ZNF24: variants seen among roughly 807,000 people sequenced by gnomAD.
ZNF24 encodes zinc finger protein 24.
A neutral mutation model predicts 40.9 loss-of-function variants in ZNF24; 11 were observed. The observed-to-expected ratio is 0.27, with a 90% CI of 0.17 to 0.45. The LOEUF (loss-of-function observed/expected upper bound fraction) is 0.45, where lower values mean the gene tolerates loss of function less well. ZNF24 is among the 20% of genes least tolerant of loss of function. The pLI, the probability that ZNF24 is intolerant of heterozygous loss-of-function variation, is 1.00. For missense variants in ZNF24, 293 were observed against 437.7 expected, an observed-to-expected ratio of 0.67 and a Z score of 2.95; for synonymous variants, 139 against 154.7, an observed-to-expected ratio of 0.90 and a Z score of 0.75.
At chr18:35,339,802 T>C in intron 3 of ZNF24, 27 bp downstream of exon 3, 1 of 1,573,384 alleles carries the variant, frequency 6.4e-7, no homozygotes, top group East Asian at 2.3e-5. Flanking sequence ...TTTCACCCTC[T>C]AGCCCACACA....
rs2044960458 is a variant in ZNF24 at position 35,340,659 on chromosome 18, A to G, written c.-9T>C. 6.2e-7 allele frequency: 1 copy of G among 1,605,488 alleles called. No individual in the cohort carries two copies. Among genetic ancestry groups the G allele is most frequent in the South Asian group, 1.1e-5 (1 of 90,638 alleles). ...ACTGACTGTGCAGACATTCTGATTT[A>G]TAATATTTCAAGAAAAGACAACTGA... On this transcript the variant is annotated 5_prime_UTR_variant, in exon 2 of 4. Coordinates refer to ENST00000261332, the MANE Select transcript of ZNF24 (RefSeq NM_006965.4). This position sits in a 1 kb window ranked among gnomAD's most constrained non-coding sequence, Gnocchi z 4.6.
At position 35,333,197 on chromosome 18, in the gene ZNF24, T is replaced by A. The variant is rs1171705379; in HGVS notation, c.*4035A>T. ...CAATGTAATAGCGAGAGGAAAAAAATTAAGGGAATAAATAATGGCATTTTC... is the reference window on the plus strand; with the variant it reads ...CAATGTAATAGCGAGAGGAAAAAAAATAAGGGAATAAATAATGGCATTTTC... On this transcript the variant is annotated 3_prime_UTR_variant, in exon 4 of 4. Transcript: ENST00000261332. 1 of 152,064 alleles carries A rather than the reference T, an allele frequency of 6.6e-6. No individual in the cohort carries two copies. The highest frequency in any genetic ancestry group is 2.4e-5 in the African/African-American group (1 of 41,380). The allele number at this position is 152,064 out of a possible 1,614,324, so 9.4% of individuals were successfully genotyped here.
At position 35,337,464 on chromosome 18, in the gene ZNF24, G is replaced by C. The variant is rs1234421685; in HGVS notation, c.875C>G (p.Ser292Cys). 6.2e-7 allele frequency: 1 copy of C among 1,613,316 alleles called. No individual in the cohort carries two copies. Among genetic ancestry groups the C allele is most frequent in the African/African-American group, 1.3e-5 (1 of 74,854 alleles). ...VECGKAFSRS[S>C]ILVQHQRVHT... ...GACTCTCTGGTGTTGCACAAGAATG[G>C]AACTTCGGCTGAATGCTTTCCCACA... Residue 292 changes from serine to cysteine, a missense_variant, in exon 4 of 4, where the codon TCC becomes TGC. By Grantham distance (112) the Ser-to-Cys change is moderately radical (BLOSUM62 -1). Coordinates refer to ENST00000261332, the MANE Select transcript of ZNF24 (RefSeq NM_006965.4).
At chr18:35,338,186 G>A (rs2044930290) in intron 3 of ZNF24, 3 of 986,676 alleles carry the variant, frequency 3.0e-6, no homozygotes, top group Non-Finnish European at 2.4e-6. Context: ...AAAATACAAA[G>A]ATGTAAATTA....
Position 35,337,134 on chromosome 18 carries a change from A to G in ZNF24, c.*98T>C. On this transcript the variant is annotated 3_prime_UTR_variant, in exon 4 of 4. Transcript: ENST00000261332. ...CCCAGTGGATTTTCTGACAGTCAAT[A>G]GGGAAAAAACTATTCTGCATCATTT... 3.0e-6 allele frequency: 3 copies of G among 989,152 alleles called. No homozygotes were observed. In the South Asian group the frequency reaches 9.9e-5, roughly 33 times the overall value. 61.3% of individuals were successfully genotyped at this position (989,152 alleles called of 1,614,324 possible). A position where few individuals can be genotyped will look rare whatever the true frequency, so the allele number is the denominator to read the frequency against.
rs1007528015 is a variant in ZNF24 at position 35,334,271 on chromosome 18, C to T, written c.*2961G>A. ...CAAATTTATCAAGGTTTAATAGCCACCACCCATGGCATGGTGAATATGTCC... is the reference window on the plus strand; with the variant it reads ...CAAATTTATCAAGGTTTAATAGCCATCACCCATGGCATGGTGAATATGTCC... On this transcript the variant is annotated 3_prime_UTR_variant, in exon 4 of 4. Coordinates refer to ENST00000261332, the MANE Select transcript of ZNF24 (RefSeq NM_006965.4). 6.6e-6 allele frequency: 1 copy of T among 152,160 alleles called. No homozygotes were observed. The highest frequency in any genetic ancestry group is 2.4e-5 in the African/African-American group (1 of 41,440). 9.4% of individuals were successfully genotyped at this position (152,160 alleles called of 1,614,324 possible).
rs1233712916 is a variant in ZNF24, at chr18:35,343,402, T to A, written c.-84+958A>T. On this transcript the variant is annotated intron_variant, in intron 1 of 3. Coordinates refer to ENST00000261332, the MANE Select transcript of ZNF24 (RefSeq NM_006965.4). ...AGCTTCTACCTTCAGTGAAACTGTA[T>A]ACTGCTTCTGGACCTTTATTATTTG... Among the ~76,000 whole-genome samples the A allele has an allele frequency of 2.6e-5, 4 of 152,340 alleles. No individual in the cohort carries two copies. The Middle Eastern group carries it at 0.014, about 518-fold the overall frequency.
intron 1 of ZNF24, among the ~76,000 whole-genome samples, chr18:35,341,788 G>A (rs2044970984): frequency 6.6e-6 from 1 of 152,208 alleles, no homozygotes; most frequent in Non-Finnish European, 1.5e-5. Context: ...GGAGGCTGAG[G>A]CAGGAGGATC....
chr18:35,335,354 T>C lies in ZNF24; in HGVS notation c.*1878A>G, dbSNP rs2044896556. On this transcript the variant is annotated 3_prime_UTR_variant, in exon 4 of 4. Transcript: ENST00000261332. Reference sequence around the variant, plus strand: ...TAAAATACATTATATCATTACTACATATTTATACTTCAATAAATCTTAATC... The same window carrying C: ...TAAAATACATTATATCATTACTACACATTTATACTTCAATAAATCTTAATC... 1 of 152,222 alleles carries C rather than the reference T, an allele frequency of 6.6e-6. No homozygotes were observed. Among genetic ancestry groups the C allele is most frequent in the African/African-American group, 2.4e-5 (1 of 41,454 alleles). The allele number at this position is 152,222 out of a possible 1,614,324, so 9.4% of individuals were successfully genotyped here. A position where few individuals can be genotyped will look rare whatever the true frequency, so the allele number is the denominator to read the frequency against.
At chr18:35,338,694 A>C in intron 3 of ZNF24, 1 of 1,102,470 alleles carries the variant, frequency 9.1e-7, no homozygotes, top group Non-Finnish European at 1.1e-6. Context: ...AGGTTAGAGG[A>C]GGATAGTGAG....
Position 35,338,783 on chromosome 18 carries a change from G to C in ZNF24, c.569-1013C>G, listed in dbSNP as rs2044937484. ...ACACAGGAAACAGAAATTCCCAAGT[G>C]TGGAAGAGACTAGACAGCTGAAATA... On this transcript the variant is annotated intron_variant, in intron 3 of 3. Coordinates refer to ENST00000261332, the MANE Select transcript of ZNF24 (RefSeq NM_006965.4). 1.2e-5 allele frequency: 15 copies of C among 1,293,328 alleles called. No homozygotes were observed. In the East Asian group the frequency reaches 4.8e-4, roughly 41 times the overall value. 80.1% of individuals were successfully genotyped at this position (1,293,328 alleles called of 1,614,324 possible).
In ZNF24 at chr18:35,337,511, C is replaced by T; in HGVS notation, c.828G>A (p.Glu276=). ...CACACTCAACACATCCATAAGGTTTCTCCCCACTGTGAATTCTTTGATGAA... is the reference window on the plus strand; with the variant it reads ...CACACTCAACACATCCATAAGGTTTTTCCCCACTGTGAATTCTTTGATGAA... The part of the protein sequence containing the change: ...LILHQRIHSG[E]KPYGCVECGK... The change falls in exon 4 of 4, where the codon GAG becomes GAA. Residue 276 remains glutamate (E), a synonymous_variant. Transcript: ENST00000261332. The T allele has an allele frequency of 6.2e-7, 1 of 1,614,168 alleles. No individual in the cohort carries two copies. The highest frequency in any genetic ancestry group is 1.1e-5 in the South Asian group (1 of 91,080).
At chr18:35,341,994 A>T (rs1277705009) in intron 1 of ZNF24, among the ~76,000 whole-genome samples, 2 of 152,172 alleles carry the variant, frequency 1.3e-5, no homozygotes, top group Non-Finnish European at 2.9e-5. Context: ...TCAAGAGATC[A>T]AGACCATCCT....
intron 1 of ZNF24, among the ~76,000 whole-genome samples, chr18:35,341,953 T>C (rs1257385988): frequency 6.6e-6 from 1 of 152,076 alleles, no homozygotes; most frequent in African/African-American, 2.4e-5. Context: ...ATCCCAGCAC[T>C]TTGGGAGGCT....
At position 35,337,682 on chromosome 18, in the gene ZNF24, G is replaced by C. The variant is rs372773859; in HGVS notation, c.657C>G (p.Leu219=). The change falls in exon 4 of 4, where the codon CTC becomes CTG. Residue 219 remains leucine, a synonymous_variant. Coordinates refer to ENST00000261332, the MANE Select transcript of ZNF24 (RefSeq NM_006965.4). Reference sequence around the variant, plus strand: ...TAAAAATTTGAGGAACACCCATATTGAGAGTGCCAGGAACTTCATGGGATT... The same window carrying C: ...TAAAAATTTGAGGAACACCCATATTCAGAGTGCCAGGAACTTCATGGGATT... ...ALESHEVPGT[L]NMGVPQIFKY... 1 of 1,613,280 alleles carries C rather than the reference G, an allele frequency of 6.2e-7. No homozygotes were observed. Among genetic ancestry groups the C allele is most frequent in the Admixed American group, 1.7e-5 (1 of 59,998 alleles).
At position 35,337,017 on chromosome 18, in the gene ZNF24, T is replaced by A. The variant is rs1569102065; in HGVS notation, c.*215A>T. ...CATGGAAAATTTAGGCATTAAGACC[T>A]GAATTAAGTTTAAAATTTCAGTTTC... On this transcript the variant is annotated 3_prime_UTR_variant, in exon 4 of 4. Transcript: ENST00000261332. 2.4e-6 allele frequency: 1 copy of A among 417,938 alleles called. No homozygotes were observed. The highest frequency in any genetic ancestry group is 2.1e-5 in the African/African-American group (1 of 48,768). 25.9% of individuals were successfully genotyped at this position (417,938 alleles called of 1,614,324 possible).
intron 1 of ZNF24, among the ~76,000 whole-genome samples, chr18:35,343,347 T>A (rs1376339019): frequency 6.6e-6 from 1 of 152,190 alleles, no homozygotes; most frequent in Non-Finnish European, 1.5e-5. Context: ...CAGTGTCTTG[T>A]CCTTACACTG....
At chr18:35,341,086 C>T (rs2044964530) in intron 1 of ZNF24, among the ~76,000 whole-genome samples, 1 of 152,174 alleles carries the variant, frequency 6.6e-6, no homozygotes. Context: ...ATGAAATTAA[C>T]ATGACTGTGT....
intron 1 of ZNF24, among the ~76,000 whole-genome samples, chr18:35,343,461 T>C (rs2044987530): frequency 6.6e-6 from 1 of 152,150 alleles, no homozygotes; most frequent in Non-Finnish European, 1.5e-5. Flanking sequence ...TTACGACACA[T>C]ACTAGCAATG....
Sources: allele counts gnomAD v4.1 joint callset (sites outside exome capture counted in the v4.1 genomes callset), GRCh38; gene constraint gnomAD v4.1.1; non-coding constraint Gnocchi (gnomAD v3.1); transcripts MANE v1.5; gene names NCBI Gene and HGNC (gene_info 2026-07-23, HGNC 2026-07-21).